CCNK: variants seen among roughly 807,000 people sequenced by gnomAD.
The protein encoded by CCNK is cyclin-K.
Under a neutral mutation model 65.0 loss-of-function variants are expected in CCNK, and 9 were observed. The observed-to-expected ratio is 0.14, with a 90% confidence interval of 0.08 to 0.24. The LOEUF (loss-of-function observed/expected upper bound fraction) is 0.24, where lower values mean the gene tolerates loss of function less well. Among genes scored for constraint, CCNK ranks in the 10% least tolerant of loss-of-function variants. The probability of loss-of-function intolerance (pLI) is 1.00; values close to 1 mark genes in which losing one functional copy is unlikely to be tolerated. For missense variants in CCNK, 474 were observed against 720.0 expected (o/e 0.66, Z 3.91); for synonymous variants, 279 against 270.8 (o/e 1.03, Z -0.30).
chr14:99,485,243 T>A (rs1418540004), intron 1 of CCNK, among the ~76,000 whole-genome samples: 2 of 152,208 alleles, frequency 1.3e-5, no homozygotes, highest in African/African-American at 4.8e-5. Flanking sequence ...TTGAATATAC[T>A]TACGATTTAT....
intron 1 of CCNK, among the ~76,000 whole-genome samples, chr14:99,485,230 CAATT>C (rs1896454186): frequency 6.6e-6 from 1 of 152,184 alleles, no homozygotes; most frequent in Non-Finnish European, 1.5e-5. Flanking sequence ...GAAGGTAAAA[CAATT>C]GAATATACTT....
At chr14:99,509,491 G>GCACACGCAGCACGCACA (rs929149000) in intron 10 of CCNK, 3 of 145,036 alleles carry the variant, frequency 2.1e-5, no homozygotes, top group African/African-American at 5.8e-5. Flanking sequence ...TGTCCCTGCT[G>GCACACGCAGCACGCACA]CACACGCAGC....
intron 1 of CCNK, among the ~76,000 whole-genome samples, chr14:99,487,530 A>T (rs1184758172): frequency 1.3e-5 from 2 of 152,262 alleles, no homozygotes; most frequent in African/African-American, 2.4e-5. Context: ...GAGAATGAAC[A>T]AATACTGCTT....
At chr14:99,499,299 A>G (rs1019875711) in intron 4 of CCNK, among the ~76,000 whole-genome samples, 1 of 152,204 alleles carries the variant, frequency 6.6e-6, no homozygotes, top group South Asian at 2.1e-4. Context: ...CGGCCTCCCA[A>G]AGTGCTGGGA....
intron 4 of CCNK, 24 bp downstream of exon 4, chr14:99,495,653 C>T: frequency 6.3e-7 from 1 of 1,589,238 alleles, no homozygotes; most frequent in Non-Finnish European, 8.6e-7. Flanking sequence ...TAACTTCCTG[C>T]CTTCTGGTCT....
At chr14:99,493,012 C>T (rs534230643) in intron 2 of CCNK, 138 bp downstream of exon 2, 1 of 776,736 alleles carries the variant, frequency 1.3e-6, no homozygotes, top group Non-Finnish European at 1.9e-6. Flanking sequence ...AATGTTGTTT[C>T]TGGTGGGGGT....
rs146243631 is a variant in CCNK at position 99,483,021 on chromosome 14, G to A, written c.-53+1542G>A. Among the ~76,000 whole-genome samples, 1,424 of 152,320 alleles carry A rather than the reference G, an allele frequency of 9.3e-3. 20 individuals carry two copies. Among genetic ancestry groups the A allele is most frequent in the African/African-American group, 0.032 (1,338 of 41,558 alleles). On this transcript the variant is annotated intron_variant, in intron 1 of 10. Transcript: ENST00000389879. Reference sequence around the variant, plus strand: ...TAAATTGTATACCAGAGTATTTGCAGATGACTTTATAAAATCGTTATTCTT... The same window carrying A: ...TAAATTGTATACCAGAGTATTTGCAAATGACTTTATAAAATCGTTATTCTT...
chr14:99,499,142 C>T (rs1566750060), intron 4 of CCNK, among the ~76,000 whole-genome samples: 3 of 152,206 alleles, frequency 2.0e-5, no homozygotes, highest in Admixed American at 6.5e-5. Context: ...CAGGCTCGAG[C>T]GATTCTCCTG....
intron 1 of CCNK, among the ~76,000 whole-genome samples, chr14:99,487,805 AT>A (rs1474695546): frequency 6.6e-6 from 1 of 152,240 alleles, no homozygotes; most frequent in Non-Finnish European, 1.5e-5. Context: ...CCATACACTT[AT>A]AATTAGTTCA....
At chr14:99,481,655 G>T in intron 1 of CCNK, 176 bp downstream of exon 1, 1 of 390,136 alleles carries the variant, frequency 2.6e-6, no homozygotes, top group Non-Finnish European at 4.5e-6. Context: ...GTTGTGGGGC[G>T]GGCGTGTAGA....
At chr14:99,492,589 G>C in intron 1 of CCNK, 37 bp from the exon 2 acceptor site, 3 of 1,077,720 alleles carry the variant, frequency 2.8e-6, no homozygotes, top group Non-Finnish European at 4.1e-6. Context: ...ATAGTATGGA[G>C]TATTCCTTTC....
rs1896747707 is a variant in CCNK at position 99,498,435 on chromosome 14, TG to T, written c.412-2327del. On this transcript the variant is annotated intron_variant, in intron 4 of 10. Coordinates refer to ENST00000389879, the MANE Select transcript of CCNK (RefSeq NM_001099402.2). Reference sequence around the variant, plus strand: ...CTGGAGCTGGGAGCAGTGAAGACATTGGGGAAGATGTTTTCCTCTGCAGACA... The same window carrying T: ...CTGGAGCTGGGAGCAGTGAAGACATTGGGAAGATGTTTTCCTCTGCAGACA... Among the ~76,000 whole-genome samples the T allele has an allele frequency of 5.3e-5, 8 of 152,188 alleles. No homozygotes were observed. In the South Asian group the frequency reaches 1.5e-3, roughly 28 times the overall value.
chr14:99,501,003 T>G (rs1896810166), intron 5 of CCNK, 132 bp downstream of exon 5: 1 of 655,210 alleles, frequency 1.5e-6, no homozygotes, highest in African/African-American at 1.9e-5. Context: ...CATGGCTTGC[T>G]CAGTCAATTC....
At chr14:99,504,578 G>C (rs1595320509) in intron 9 of CCNK, 1 of 150,978 alleles carries the variant, frequency 6.6e-6, no homozygotes, top group Non-Finnish European at 1.5e-5. Context: ...AGCCTCCCGA[G>C]TAGCTGGGAT....
At chr14:99,498,411 T>C (rs1009401619) in intron 4 of CCNK, among the ~76,000 whole-genome samples, 1 of 152,110 alleles carries the variant, frequency 6.6e-6, no homozygotes, top group Non-Finnish European at 1.5e-5. Flanking sequence ...GGAAAACACC[T>C]GGAGCTGGGA....
intron 1 of CCNK, among the ~76,000 whole-genome samples, chr14:99,482,935 AGAG>A (rs1345554922): frequency 1.3e-5 from 2 of 152,252 alleles, no homozygotes; most frequent in Non-Finnish European, 2.9e-5. Flanking sequence ...AAAAAAATCT[AGAG>A]GAATTAAATT....
intron 4 of CCNK, among the ~76,000 whole-genome samples, chr14:99,496,119 C>T (rs1307134508): frequency 6.6e-6 from 1 of 152,298 alleles, no homozygotes; most frequent in East Asian, 1.9e-4. Flanking sequence ...GCCATCCTAT[C>T]TTTTCCATAC....
At position 99,481,458 on chromosome 14, in the gene CCNK, A is replaced by T; in HGVS notation, c.-74A>T. 1 of 398,676 alleles carries T rather than the reference A, an allele frequency of 2.5e-6. No homozygotes were observed. The highest frequency in any genetic ancestry group is 4.4e-6 in the Non-Finnish European group (1 of 226,094). The allele number at this position is 398,676 out of a possible 1,614,324, so 24.7% of individuals were successfully genotyped here. Reference sequence around the variant, plus strand: ...CAGTCGGCAAGGAGAGACGTCGCTGAGGGGCTTGCCTGAAGCGAGGGGTGA... The same window carrying T: ...CAGTCGGCAAGGAGAGACGTCGCTGTGGGGCTTGCCTGAAGCGAGGGGTGA... On this transcript the variant is annotated 5_prime_UTR_variant, in exon 1 of 11. The change abolishes the stop of an existing upstream ORF in the 5' untranslated region. Transcript: ENST00000389879.
At chr14:99,507,273 A>AAT (rs1896999135) in intron 10 of CCNK, 126 bp downstream of exon 10, 7 of 736,246 alleles carry the variant, frequency 9.5e-6, no homozygotes, top group South Asian at 7.1e-5. Flanking sequence ...CACAGGCAGG[A>AAT]ATCTTTGCAA....
Sources: allele counts gnomAD v4.1 joint callset (sites outside exome capture counted in the v4.1 genomes callset), GRCh38; gene constraint gnomAD v4.1.1; transcripts MANE v1.5; gene names NCBI Gene and HGNC (gene_info 2026-07-23, HGNC 2026-07-21).